The following DGKI variants were observed in gnomAD, a reference collection of about 807,000 sequenced individuals.
The protein encoded by DGKI is DAG kinase iota.
A neutral mutation model predicts 147.5 loss-of-function variants in DGKI; 55 were observed. That is an observed-to-expected ratio of 0.37 (90% CI 0.30 to 0.47). The LOEUF (loss-of-function observed/expected upper bound fraction) is 0.47, where lower values mean the gene tolerates loss of function less well. Among genes scored for constraint, DGKI ranks in the 20% least tolerant of loss-of-function variants. The probability of loss-of-function intolerance (pLI) is 1.00; values close to 1 mark genes in which losing one functional copy is unlikely to be tolerated. For synonymous variants in DGKI, 469 were observed against 477.1 expected (o/e 0.98, Z 0.22); for missense variants, 1,007 against 1,323.8 (o/e 0.76, Z 3.71).
At chr7:137,447,597 T>C (rs1813764626) in intron 27 of DGKI, among the ~76,000 whole-genome samples, 1 of 152,206 alleles carries the variant, frequency 6.6e-6, no homozygotes, top group African/African-American at 2.4e-5. Context: ...TGAAATTGCA[T>C]AGAATCCTAC....
intron 19 of DGKI, among the ~76,000 whole-genome samples, chr7:137,564,881 C>T (rs367849515): frequency 1.8e-4 from 27 of 152,352 alleles, no homozygotes; most frequent in Admixed American, 4.6e-4. Flanking sequence ...CGACCCCCAA[C>T]GCCTTGCGGG....
chr7:137,736,035 C>G (rs906869011), intron 1 of DGKI, among the ~76,000 whole-genome samples: 1 of 152,066 alleles, frequency 6.6e-6, no homozygotes, highest in Non-Finnish European at 1.5e-5. Context: ...GCCCCACACA[C>G]AGATCACACA....
At chr7:137,782,722 C>A (rs1345136736) in intron 1 of DGKI, among the ~76,000 whole-genome samples, 1 of 152,204 alleles carries the variant, frequency 6.6e-6, no homozygotes, top group East Asian at 1.9e-4. Flanking sequence ...CAACCAAGGA[C>A]CCTCACAGAG....
intron 28 of DGKI, among the ~76,000 whole-genome samples, chr7:137,443,849 C>T (rs1266918959): frequency 2.6e-5 from 4 of 152,198 alleles, no homozygotes; most frequent in Non-Finnish European, 5.9e-5. Context: ...TAAATTAAGG[C>T]TTCACAATAT....
intron 21 of DGKI, among the ~76,000 whole-genome samples, chr7:137,502,564 G>C (rs930877063): frequency 6.6e-6 from 1 of 151,898 alleles, no homozygotes; most frequent in Non-Finnish European, 1.5e-5. Flanking sequence ...AAGGGGAAGG[G>C]AGGGCAAGGA....
At chr7:137,601,270 CAAA>C (rs1028674381) in intron 10 of DGKI, among the ~76,000 whole-genome samples, 1 of 120,952 alleles carries the variant, frequency 8.3e-6, no homozygotes. Context: ...GACTCTGTCT[CAAA>C]AAAAAAAAAG....
intron 6 of DGKI, among the ~76,000 whole-genome samples, chr7:137,636,537 C>T (rs1218495038): frequency 6.6e-6 from 1 of 152,158 alleles, no homozygotes; most frequent in Non-Finnish European, 1.5e-5. Flanking sequence ...CAGGCCTGAG[C>T]CACTCATCTC....
intron 1 of DGKI, among the ~76,000 whole-genome samples, chr7:137,749,959 G>C (rs989359444): frequency 6.6e-6 from 1 of 152,148 alleles, no homozygotes; most frequent in African/African-American, 2.4e-5. Context: ...GGGTTGGGTA[G>C]GAGCAGAAGT....
chr7:137,488,520 TA>T (rs200384446), intron 21 of DGKI, among the ~76,000 whole-genome samples: 6 of 151,104 alleles, frequency 4.0e-5, no homozygotes, highest in South Asian at 2.1e-4. Context: ...TTCCAAAACT[TA>T]AAAAAAAATC....
intron 1 of DGKI, among the ~76,000 whole-genome samples, chr7:137,710,109 A>G (rs2116560812): frequency 6.6e-6 from 1 of 152,256 alleles, no homozygotes; most frequent in South Asian, 2.1e-4. Flanking sequence ...GGGTACAGAC[A>G]ATATTTAAAG....
At position 137,559,228 on chromosome 7, in the gene DGKI, C is replaced by T. The variant is rs550444878; in HGVS notation, c.1948-6660G>A. Among the ~76,000 whole-genome samples, 427 of 150,434 alleles carry T rather than the reference C, an allele frequency of 2.8e-3. 3 individuals carry two copies. The highest frequency in any genetic ancestry group is 0.01 in the African/African-American group (409 of 40,726). On this transcript the variant is annotated intron_variant, in intron 19 of 32. Transcript: ENST00000614521. Reference sequence around the variant, plus strand: ...CTGGGACTACAGGCGCCCGCCACTACGCCCGGCTAATTTTTTGTATTTTTA... The same window carrying T: ...CTGGGACTACAGGCGCCCGCCACTATGCCCGGCTAATTTTTTGTATTTTTA...
chr7:137,725,024 G>C (rs1794679631), intron 1 of DGKI, among the ~76,000 whole-genome samples: 1 of 152,110 alleles, frequency 6.6e-6, no homozygotes, highest in Admixed American at 6.5e-5. Context: ...GAGGAGAAAA[G>C]GGCAAAGCTC....
intron 20 of DGKI, among the ~76,000 whole-genome samples, chr7:137,547,272 A>G (rs1817896585): frequency 6.6e-6 from 1 of 152,236 alleles, no homozygotes; most frequent in South Asian, 2.1e-4. Flanking sequence ...GCTCCCATAT[A>G]TATAAGGAGC....
At position 137,722,361 on chromosome 7, in the gene DGKI, G is replaced by A. The variant is rs1794589288; in HGVS notation, c.402-32359C>T. The A allele has an allele frequency of 1.9e-6, 3 of 1,612,780 alleles. No individual in the cohort carries two copies. In the African/African-American group the frequency reaches 4.0e-5, roughly 22 times the overall value. ...CTACTGAAGATGTGCCTCGAAAGCTGTTGAGCCACAGCAAAAAACCCTTCA... is the reference window on the plus strand; with the variant it reads ...CTACTGAAGATGTGCCTCGAAAGCTATTGAGCCACAGCAAAAAACCCTTCA... On this transcript the variant is annotated intron_variant, in intron 1 of 32. Coordinates refer to ENST00000614521, the MANE Select transcript of DGKI (RefSeq NM_001321708.2).
intron 3 of DGKI, among the ~76,000 whole-genome samples, chr7:137,672,766 C>CTTTTTTTTTTTTTTTTTTTTTT (rs60078498): frequency 1.5e-5 from 1 of 65,662 alleles, no homozygotes; most frequent in African/African-American, 7.2e-5. Context: ...CTCTGTGTGT[C>CTTTTTTTTTTTTTTTTTTTTTT]TTTTTTTTTT....
intron 1 of DGKI, among the ~76,000 whole-genome samples, chr7:137,727,994 A>C (rs1794760561): frequency 6.6e-6 from 1 of 152,324 alleles, no homozygotes; most frequent in African/African-American, 2.4e-5. Flanking sequence ...AATTTAGTGA[A>C]TAAAAAATTT....
At chr7:137,622,742 T>C (rs1440198251) in intron 7 of DGKI, among the ~76,000 whole-genome samples, 9 of 152,148 alleles carry the variant, frequency 5.9e-5, no homozygotes, top group African/African-American at 1.7e-4. Context: ...CTATATGTTA[T>C]GTGGTAAAAG....
intron 28 of DGKI, among the ~76,000 whole-genome samples, chr7:137,441,841 C>T (rs1813522278): frequency 6.6e-6 from 1 of 152,186 alleles, no homozygotes; most frequent in East Asian, 1.9e-4. Context: ...TGCTACTTCT[C>T]ACCTCTCCTA....
intron 1 of DGKI, among the ~76,000 whole-genome samples, chr7:137,765,899 TAGG>T (rs1796002521): frequency 6.6e-6 from 1 of 152,204 alleles, no homozygotes; most frequent in Non-Finnish European, 1.5e-5. Context: ...TCTATGTTCC[TAGG>T]AGAAGTCACA....
Sources: gnomAD v4.1 joint callset for allele counts (sites outside exome capture counted in the v4.1 genomes callset) on GRCh38, gnomAD v4.1.1 for gene constraint, MANE v1.5 for transcripts, NCBI Gene and HGNC (gene_info 2026-07-23, HGNC 2026-07-21) for gene names.